Variants in CHD6 observed in about 807,000 individuals in gnomAD.
CHD6 encodes the protein ATP-dependent chromatin remodeler CHD6.
A neutral mutation model predicts 276.9 loss-of-function variants in CHD6; 50 were observed. The observed-to-expected ratio is 0.18, with a 90% CI of 0.14 to 0.23. The LOEUF is 0.23. Ranked by LOEUF, CHD6 falls within the 10% of genes least tolerant of loss-of-function variation. The probability of loss-of-function intolerance (pLI) is 1.00; values close to 1 mark genes in which losing one functional copy is unlikely to be tolerated. For missense variants in CHD6, 2,564 were observed against 3,365.8 expected (o/e 0.76, Z 5.89); for synonymous variants, 1,173 against 1,229.3 (o/e 0.95, Z 0.96).
In CHD6 at chr20:41,504,398, ATTTTCTTTTTTT is replaced by A. The variant is rs1231634892; in HGVS notation, c.853-5053_853-5042del. ...ATTCATCTTGTCCATCTTTTCCTCT[ATTTTCTTTTTTT>A]TTTTTTTTTTTTTTTTAGACAGGAT... On this transcript the variant is annotated intron_variant, in intron 5 of 36. Transcript: ENST00000373233. Among the ~76,000 whole-genome samples the A allele has an allele frequency of 7.7e-4, 73 of 95,346 alleles. 1 individual carries two copies. The highest frequency in any genetic ancestry group is 2.6e-3 in the African/African-American group (64 of 25,098). The allele number at this position is 95,346 out of a possible 152,430, so 62.6% of individuals were successfully genotyped here.
chr20:41,506,430 T>G (rs1308589678), intron 5 of CHD6, among the ~76,000 whole-genome samples: 1 of 152,134 alleles, frequency 6.6e-6, no homozygotes, highest in East Asian at 1.9e-4. Context: ...GACTATTCCC[T>G]CTGTCTAAGA....
chr20:41,571,477 C>T (rs2223554), intron 1 of CHD6, among the ~76,000 whole-genome samples: 25,572 of 150,208 alleles, frequency 0.17, 5,155 homozygotes, highest in African/African-American at 0.48. Context: ...ACTGCACCCT[C>T]CACCTCCCGG....
At chr20:41,572,273 T>C (rs1428591173) in intron 1 of CHD6, among the ~76,000 whole-genome samples, 1 of 152,192 alleles carries the variant, frequency 6.6e-6, no homozygotes, top group Non-Finnish European at 1.5e-5. Context: ...GTGCTTTTGC[T>C]GTTCTTGCTC....
rs573299497 is a variant in CHD6 at position 41,418,066 on chromosome 20, G to T, written c.6128-717C>A. 2.0e-5 allele frequency among the ~76,000 whole-genome samples: 3 copies of T among 152,304 alleles called. No homozygotes were observed. In the East Asian group the frequency reaches 5.8e-4, roughly 29 times the overall value. On this transcript the variant is annotated intron_variant, in intron 31 of 36. Transcript: ENST00000373233. ...AAATGACAAGGAGCATCCATCCTTT[G>T]AAATGTGGCTATTTCACTTCTCAAT...
At chr20:41,478,449 T>C (rs1396402310) in intron 16 of CHD6, among the ~76,000 whole-genome samples, 1 of 152,166 alleles carries the variant, frequency 6.6e-6, no homozygotes, top group Non-Finnish European at 1.5e-5. Flanking sequence ...ATTTGTGGTT[T>C]CAGCCAGAGG....
intron 1 of CHD6, among the ~76,000 whole-genome samples, chr20:41,564,482 AG>A (rs1434512136): frequency 6.6e-6 from 1 of 152,224 alleles, no homozygotes; most frequent in African/African-American, 2.4e-5. Context: ...GTAAAATTGT[AG>A]GAACAAAAAA....
At chr20:41,532,985 T>TG in intron 3 of CHD6, 65 bp downstream of exon 3, 1 of 1,513,208 alleles carries the variant, frequency 6.6e-7, no homozygotes, top group Non-Finnish European at 8.8e-7. Flanking sequence ...CTTGGGCTAA[T>TG]GCCAAAGGCA....
At chr20:41,608,311 C>T (rs62208544) in intron 1 of CHD6, among the ~76,000 whole-genome samples, 4 of 152,002 alleles carry the variant, frequency 2.6e-5, no homozygotes, top group Admixed American at 6.6e-5. Context: ...CATTTTACCG[C>T]GATATGAGAG....
chr20:41,412,132 C>A lies in CHD6; in HGVS notation c.7251+12G>T, dbSNP rs147285601. On this transcript the variant is annotated intron_variant, in intron 36 of 36. Transcript: ENST00000373233. ...CCTCCTGGCCCCACACTCACGTGGC[C>A]TTCTTCCTTACCCTCAGTCCTGGCT... 7,367 of 1,558,168 alleles carry A rather than the reference C, an allele frequency of 4.7e-3. 23 individuals carry two copies. The highest frequency in any genetic ancestry group is 5.9e-3 in the Non-Finnish European group (6,721 of 1,140,864).
At position 41,542,680 on chromosome 20, in the gene CHD6, G is replaced by A. The variant is rs552752318; in HGVS notation, c.33+8625C>T. 4.6e-5 allele frequency among the ~76,000 whole-genome samples: 7 copies of A among 151,302 alleles called. No individual in the cohort carries two copies. In the South Asian group the frequency reaches 1.3e-3, roughly 27 times the overall value. On this transcript the variant is annotated intron_variant, in intron 2 of 36. Coordinates refer to ENST00000373233, the MANE Select transcript of CHD6 (RefSeq NM_032221.5). ...TGCACTCCAGCCTGGGCGACAGAGC[G>A]AGACTCCGTCTCAAAAAAAAAGAAA... is the stretch of plus-strand genomic sequence containing the variant.
chr20:41,516,669 C>G (rs2044260340), intron 3 of CHD6, among the ~76,000 whole-genome samples: 1 of 152,106 alleles, frequency 6.6e-6, no homozygotes, highest in African/African-American at 2.4e-5. Flanking sequence ...ATAGCTGGCT[C>G]TGTGTCTGGA....
Position 41,405,229 on chromosome 20 carries a change from C to T in CHD6, c.7512G>A (p.Thr2504=), listed in dbSNP as rs547948919. 3.5e-5 allele frequency: 56 copies of T among 1,614,146 alleles called. No individual in the cohort carries two copies. The highest frequency in any genetic ancestry group is 1.6e-4 in the Middle Eastern group (1 of 6,062). The change falls in exon 37 of 37, where the codon ACG becomes ACA. Residue 2504 remains threonine, a synonymous_variant. Coordinates refer to ENST00000373233, the MANE Select transcript of CHD6 (RefSeq NM_032221.5). Reference sequence around the variant, plus strand: ...TTTTGACCTCTTCACCTGTTGGCATCGTGGCAAAGCCAGCTGGAAACCCCA... The same window carrying T: ...TTTTGACCTCTTCACCTGTTGGCATTGTGGCAAAGCCAGCTGGAAACCCCA... ...GLVGFPAGFA[T]MPTGEEVKST...
At chr20:41,536,164 C>A (rs2044825287) in intron 2 of CHD6, among the ~76,000 whole-genome samples, 1 of 152,148 alleles carries the variant, frequency 6.6e-6, no homozygotes, top group African/African-American at 2.4e-5. Context: ...CATTAAATTA[C>A]CACTTTGAAA....
intron 1 of CHD6, among the ~76,000 whole-genome samples, chr20:41,561,086 T>C (rs1000412810): frequency 6.6e-6 from 1 of 152,314 alleles, no homozygotes. Flanking sequence ...GTAGGCCATA[T>C]GGTCTCAGTT....
Position 41,427,046 on chromosome 20 carries a change from T to C in CHD6, c.4069-893A>G, listed in dbSNP as rs556585918. Among the ~76,000 whole-genome samples the C allele has an allele frequency of 1.5e-3, 222 of 152,246 alleles. 2 individuals are homozygous for C. The highest frequency in any genetic ancestry group is 0.012 in the Admixed American group (176 of 15,272). ...TCAGCAAACTGCGGCCTGCAGACTT[T>C]CTGTGTGGCCCTCAAGCTAAGAATG... is the stretch of plus-strand genomic sequence containing the variant. On this transcript the variant is annotated intron_variant, in intron 27 of 36. Coordinates refer to ENST00000373233, the MANE Select transcript of CHD6 (RefSeq NM_032221.5).
intron 11 of CHD6, 63 bp from the exon 12 acceptor site, chr20:41,490,084 A>G (rs901520608): frequency 4.3e-6 from 6 of 1,411,620 alleles, no homozygotes; most frequent in Admixed American, 1.8e-5. Flanking sequence ...GAGGCTGGTT[A>G]TAACTTGAAA....
Position 41,446,889 on chromosome 20 carries a change from T to C in CHD6, c.3773+993A>G, listed in dbSNP as rs143414476. Among the ~76,000 whole-genome samples, 415 of 152,314 alleles carry C rather than the reference T, an allele frequency of 2.7e-3. 2 individuals are homozygous for C. Among genetic ancestry groups the C allele is most frequent in the Middle Eastern group, 0.024 (7 of 294 alleles). ...GTTCTACCTAGCTACCACCTATGAC[T>C]TCCTACACATGACAGCGGTAAGTTC... On this transcript the variant is annotated intron_variant, in intron 24 of 36. Transcript: ENST00000373233.
At chr20:41,557,981 G>A (rs1182352894) in intron 1 of CHD6, among the ~76,000 whole-genome samples, 6 of 152,128 alleles carry the variant, frequency 3.9e-5, no homozygotes, top group African/African-American at 9.7e-5. Flanking sequence ...TTAGGAATAC[G>A]AATAAGGACA....
intron 6 of CHD6, among the ~76,000 whole-genome samples, chr20:41,498,496 G>A (rs973158438): frequency 6.6e-6 from 1 of 152,094 alleles, no homozygotes; most frequent in African/African-American, 2.4e-5. Flanking sequence ...AACTGGCCCA[G>A]GACAATGAGA....
Sources: allele counts gnomAD v4.1 joint callset (sites outside exome capture counted in the v4.1 genomes callset), GRCh38; gene constraint gnomAD v4.1.1; transcripts MANE v1.5; gene names NCBI Gene and HGNC (gene_info 2026-07-23, HGNC 2026-07-21).